KCNJ12: variants seen among roughly 807,000 people sequenced by gnomAD.
KCNJ12 encodes potassium inwardly rectifying channel subfamily J member 12.
In KCNJ12, 2 loss-of-function variants were observed where a neutral mutation model predicts 22.3. The ratio of observed to expected loss-of-function variants is 0.09; its 90% CI spans 0.04 to 0.28. KCNJ12 has a LOEUF of 0.28. Among genes scored for constraint, KCNJ12 ranks in the 10% least tolerant of loss-of-function variants. KCNJ12 has a pLI of 1.00. For missense variants in KCNJ12, 155 were observed against 633.3 expected (o/e 0.24, Z 8.11); for synonymous variants, 117 against 261.4 (o/e 0.45, Z 5.33).
chr17:21,406,852 C>T lies in KCNJ12; in HGVS notation c.-178-1667C>T, dbSNP rs535140754. Among the ~76,000 whole-genome samples the T allele has an allele frequency of 4.6e-5, 7 of 152,304 alleles. No individual in the cohort carries two copies. The South Asian group carries it at 6.2e-4, about 13-fold the overall frequency. ...CCATGAACTCCCTGGCTGGGAGGTG[C>T]GGAGGTGAGAAGCATGTCAGGTGGC... On this transcript the variant is annotated intron_variant, in intron 1 of 2. Coordinates refer to ENST00000583088, the MANE Select transcript of KCNJ12 (RefSeq NM_021012.5).
At chr17:21,407,805 A>C (rs1287568462) in intron 1 of KCNJ12, among the ~76,000 whole-genome samples, 4 of 16,060 alleles carry the variant, frequency 2.5e-4, no homozygotes, top group Admixed American at 2.2e-3. Flanking sequence ...TCATCCACTC[A>C]TCCATTCACC....
intron 1 of KCNJ12, among the ~76,000 whole-genome samples, chr17:21,391,592 T>TTCC (rs1555559319): frequency 6.6e-6 from 1 of 152,208 alleles, no homozygotes; most frequent in African/African-American, 2.4e-5. Flanking sequence ...CCCAGCCCTC[T>TTCC]TCCTCCTCCT....
chr17:21,416,545 G>A lies in KCNJ12; in HGVS notation c.1203G>A (p.Arg401=). 2 of 1,609,270 alleles carry A rather than the reference G, an allele frequency of 1.2e-6. No homozygotes were observed. The highest frequency in any genetic ancestry group is 2.7e-5 in the African/African-American group (2 of 75,022). ...ACGGAGACCAGGACGGCCGAAGCCG[G>A]GACGGCCTCAGCCCCCAGGCCAGGC... is the stretch of plus-strand genomic sequence containing the variant. ...EADGDQDGRS[R]DGLSPQARHD... Residue 401 remains arginine, a synonymous_variant, in exon 3 of 3, where the codon CGG becomes CGA. Transcript: ENST00000583088.
Position 21,416,032 on chromosome 17 carries a change from G to T in KCNJ12, c.690G>T (p.Ala230=), listed in dbSNP as rs782751588. The change falls in exon 3 of 3, where the codon GCG becomes GCT. Residue 230 remains alanine (A), a synonymous_variant. Transcript: ENST00000583088. ...ACATTGTGGAGGCCCATGTGCGCGC[G>T]CAGCTCATCAAGCCGCGGGTCACCG... ...KSHIVEAHVR[A]QLIKPRVTEE... 22 of 1,609,760 alleles carry T rather than the reference G, an allele frequency of 1.4e-5. No homozygotes were observed. In the South Asian group the frequency reaches 2.2e-4, roughly 16 times the overall value.
intron 1 of KCNJ12, among the ~76,000 whole-genome samples, chr17:21,398,464 C>T (rs1905459057): frequency 6.6e-6 from 1 of 152,230 alleles, no homozygotes; most frequent in Admixed American, 6.5e-5. Flanking sequence ...CTCTACGGCC[C>T]CCACTGCCCA....
chr17:21,409,400 A>C (rs533011575), intron 2 of KCNJ12, among the ~76,000 whole-genome samples: 3 of 152,308 alleles, frequency 2.0e-5, no homozygotes, highest in Non-Finnish European at 4.4e-5. Context: ...CCCTATGAGG[A>C]AGGCCCAGGA....
At chr17:21,398,517 A>G (rs1905461090) in intron 1 of KCNJ12, among the ~76,000 whole-genome samples, 1 of 152,210 alleles carries the variant, frequency 6.6e-6, no homozygotes, top group Non-Finnish European at 1.5e-5. Flanking sequence ...CTTGCTGGGG[A>G]TAACTCTGAG....
chr17:21,377,971 A>G (rs1555557479), intron 1 of KCNJ12, among the ~76,000 whole-genome samples: 1 of 152,182 alleles, frequency 6.6e-6, no homozygotes, highest in South Asian at 2.1e-4. Context: ...GAGCCCTGCA[A>G]TAAAGCGCTG....
At chr17:21,378,956 CCTAAAACCATG>C (rs1332986962) in intron 1 of KCNJ12, among the ~76,000 whole-genome samples, 5 of 152,158 alleles carry the variant, frequency 3.3e-5, no homozygotes, top group African/African-American at 1.2e-4. Flanking sequence ...AGGGGTATTG[CCTAAAACCATG>C]CAGTGGGTTG....
chr17:21,387,444 A>AAG (rs1905105090), intron 1 of KCNJ12, among the ~76,000 whole-genome samples: 1 of 147,888 alleles, frequency 6.8e-6, no homozygotes, highest in African/African-American at 2.6e-5. Flanking sequence ...CTATCTCAAA[A>AAG]AAAAAAAAAA....
chr17:21,385,456 G>A (rs1905041979), intron 1 of KCNJ12, among the ~76,000 whole-genome samples: 1 of 152,298 alleles, frequency 6.6e-6, no homozygotes, highest in African/African-American at 2.4e-5. Context: ...TGTGTGGCCG[G>A]AGGCTCGGCC....
intron 1 of KCNJ12, among the ~76,000 whole-genome samples, chr17:21,405,861 G>A (rs1370247886): frequency 2.0e-5 from 3 of 152,308 alleles, no homozygotes; most frequent in Non-Finnish European, 4.4e-5. Context: ...GCCCTGCACT[G>A]TGACTTCAGG....
chr17:21,408,851 C>T (rs1317996645), intron 2 of KCNJ12, among the ~76,000 whole-genome samples: 2 of 152,304 alleles, frequency 1.3e-5, no homozygotes, highest in African/African-American at 4.8e-5. Context: ...TCACCCATTC[C>T]CCCACCCATT....
chr17:21,400,642 C>T (rs1295297978), intron 1 of KCNJ12, among the ~76,000 whole-genome samples: 43 of 152,410 alleles, frequency 2.8e-4, no homozygotes, highest in Non-Finnish European at 5.1e-4. Flanking sequence ...CCGACAAGGC[C>T]CTGGCCCTGA....
intron 1 of KCNJ12, chr17:21,405,473 C>T (rs1452600564): frequency 6.6e-6 from 1 of 152,260 alleles, no homozygotes; most frequent in South Asian, 2.1e-4. Flanking sequence ...GCAGCTTCGT[C>T]ACCACCTTCA....
chr17:21,382,708 G>C (rs1489988694), intron 1 of KCNJ12, among the ~76,000 whole-genome samples: 1 of 152,064 alleles, frequency 6.6e-6, no homozygotes, highest in South Asian at 2.1e-4. Flanking sequence ...CTTTTGTGGG[G>C]AGCAGATAGG....
chr17:21,391,127 T>C (rs1555559268), intron 1 of KCNJ12, among the ~76,000 whole-genome samples: 1 of 152,220 alleles, frequency 6.6e-6, no homozygotes, highest in African/African-American at 2.4e-5. Flanking sequence ...TGGTGTGCTG[T>C]GCATCAGCAC....
chr17:21,400,170 G>C (rs1230753229), intron 1 of KCNJ12, among the ~76,000 whole-genome samples: 1 of 152,176 alleles, frequency 6.6e-6, no homozygotes, highest in Non-Finnish European at 1.5e-5. Context: ...TGGCCTGAAG[G>C]GCTCCCCACC....
intron 1 of KCNJ12, among the ~76,000 whole-genome samples, chr17:21,380,962 G>T (rs782765875): frequency 6.6e-6 from 1 of 152,224 alleles, no homozygotes; most frequent in Non-Finnish European, 1.5e-5. Context: ...GGCTGCTGAA[G>T]TGGCAGCATG....
Sources: allele counts gnomAD v4.1 joint callset (sites outside exome capture counted in the v4.1 genomes callset), GRCh38; gene constraint gnomAD v4.1.1; transcripts MANE v1.5; gene names NCBI Gene and HGNC (gene_info 2026-07-23, HGNC 2026-07-21).